Variants in SGCZ observed in about 807,000 individuals in gnomAD.
SGCZ encodes the protein zeta-sarcoglycan.
In SGCZ, 40 loss-of-function variants were observed where a neutral mutation model predicts 41.3. That is an observed-to-expected ratio of 0.97 (90% CI 0.75 to 1.26). SGCZ has a LOEUF of 1.26. SGCZ is among the 50% of genes most tolerant of loss of function. SGCZ has a pLI of 0.00. For synonymous variants in SGCZ, 206 were observed against 137.5 expected (o/e 1.50, Z -3.49); for missense variants, 552 against 369.8 (o/e 1.49, Z -4.04).
chr8:14,408,098 AC>A (rs953992478), intron 2 of SGCZ, among the ~76,000 whole-genome samples: 1 of 152,120 alleles, frequency 6.6e-6, no homozygotes, highest in Non-Finnish European at 1.5e-5. Flanking sequence ...TTCTCTAACT[AC>A]CTCTTTTACT....
rs1413787720 is a variant in SGCZ, at chr8:14,088,937, T to C, written c.*1506A>G. Among the ~76,000 whole-genome samples the C allele has an allele frequency of 1.3e-5, 2 of 151,874 alleles. No individual in the cohort carries two copies. The highest frequency in any genetic ancestry group is 3.9e-4 in the East Asian group (2 of 5,140). On this transcript the variant is annotated 3_prime_UTR_variant, in exon 8 of 8. Coordinates refer to ENST00000382080, the MANE Select transcript of SGCZ (RefSeq NM_139167.4). Reference sequence around the variant, plus strand: ...CCCCAAAAGGAAGTTTCAACACAAATGTTGATAGTGTGCATGAGGGAGAAA... The same window carrying C: ...CCCCAAAAGGAAGTTTCAACACAAACGTTGATAGTGTGCATGAGGGAGAAA...
intron 2 of SGCZ, among the ~76,000 whole-genome samples, chr8:14,335,775 A>C (rs1382318980): frequency 6.6e-6 from 1 of 152,042 alleles, no homozygotes; most frequent in Non-Finnish European, 1.5e-5. Flanking sequence ...TTCCTTCAAC[A>C]GTCTTCCCAG....
intron 1 of SGCZ, among the ~76,000 whole-genome samples, chr8:14,925,236 T>C (rs924549453): frequency 1.3e-5 from 2 of 152,242 alleles, no homozygotes; most frequent in African/African-American, 4.8e-5. Flanking sequence ...ACAAACTGTC[T>C]TAATATGGTC....
rs1801549599 is a variant in SGCZ, at chr8:14,087,331, A to G, written c.*3112T>C. The stretch of plus-strand genomic sequence containing the variant: ...TTTTTTTTTGAAGTATTTAATTGAA[A>G]TCTTCTGAAAAAGAAAAGAATAATG... On this transcript the variant is annotated 3_prime_UTR_variant, in exon 8 of 8. Coordinates refer to ENST00000382080, the MANE Select transcript of SGCZ (RefSeq NM_139167.4). Among the ~76,000 whole-genome samples the G allele has an allele frequency of 6.6e-6, 1 of 151,530 alleles. No individual in the cohort carries two copies. The highest frequency in any genetic ancestry group is 6.6e-5 in the Admixed American group (1 of 15,160).
intron 1 of SGCZ, among the ~76,000 whole-genome samples, chr8:15,211,354 C>G (rs186624587): frequency 6.6e-6 from 1 of 151,858 alleles, no homozygotes; most frequent in Non-Finnish European, 1.5e-5. Context: ...GACTCCTTTA[C>G]CTTTCCCAAT....
intron 1 of SGCZ, among the ~76,000 whole-genome samples, chr8:14,642,329 T>C (rs1277084211): frequency 6.6e-6 from 1 of 151,698 alleles, no homozygotes. Flanking sequence ...ATATAAGAAC[T>C]ATACCATCTC....
chr8:14,148,770 T>C (rs1249350269), intron 5 of SGCZ, among the ~76,000 whole-genome samples: 1 of 152,046 alleles, frequency 6.6e-6, no homozygotes, highest in African/African-American at 2.4e-5. Flanking sequence ...CTGATGAATA[T>C]TGATGCAAAA....
At chr8:15,186,089 TAAATAAAAAAATAA>T (rs1800325161) in intron 1 of SGCZ, among the ~76,000 whole-genome samples, 2 of 116,976 alleles carry the variant, frequency 1.7e-5, no homozygotes, top group Non-Finnish European at 3.8e-5. Context: ...AAATAAAAAA[TAAATAAAAAAATAA>T]AAAAAAAACT....
At position 15,237,000 on chromosome 8, in the gene SGCZ, G is replaced by A. The variant is rs1035034880; in HGVS notation, c.39+585C>T. 2.6e-5 allele frequency among the ~76,000 whole-genome samples: 4 copies of A among 152,314 alleles called. No individual in the cohort carries two copies. The East Asian group carries it at 7.8e-4, about 30-fold the overall frequency. On this transcript the variant is annotated intron_variant, in intron 1 of 7. Transcript: ENST00000382080. The stretch of plus-strand genomic sequence containing the variant: ...CAGCGGGGGTACCTCTCCAGCCCCT[G>A]CACTGCAACTGCGGGAGGAAACACT...
In SGCZ at chr8:14,870,804, A is replaced by G. The variant is rs186627628; in HGVS notation, c.40-315878T>C. ...ACTTCACAAAAGAAGACATTTATGC[A>G]GCAAACAAACATACGAAACAAGGCT... On this transcript the variant is annotated intron_variant, in intron 1 of 7. Transcript: ENST00000382080. Among the ~76,000 whole-genome samples the G allele has an allele frequency of 3.1e-3, 471 of 152,288 alleles. 4 individuals carry two copies. The highest frequency in any genetic ancestry group is 0.011 in the African/African-American group (456 of 41,570).
intron 2 of SGCZ, among the ~76,000 whole-genome samples, chr8:14,462,572 T>C (rs1356304816): frequency 6.6e-6 from 1 of 152,060 alleles, no homozygotes; most frequent in Non-Finnish European, 1.5e-5. Flanking sequence ...TTCTATTCCA[T>C]TGGTCTATGT....
intron 4 of SGCZ, among the ~76,000 whole-genome samples, chr8:14,234,782 T>A (rs898419203): frequency 3.3e-5 from 5 of 152,198 alleles, no homozygotes; most frequent in Non-Finnish European, 7.4e-5. Context: ...CTTGATTCAT[T>A]CAAGTATGTC....
Position 14,736,292 on chromosome 8 carries a change from A to G in SGCZ, c.40-181366T>C, listed in dbSNP as rs1056019823. ...CAGTTTGTGTAACTGGATCATCATC[A>G]CAATTAAGCAACATAAATTCCCTTT... is the stretch of plus-strand genomic sequence containing the variant. On this transcript the variant is annotated intron_variant, in intron 1 of 7. Transcript: ENST00000382080. 2.6e-5 allele frequency among the ~76,000 whole-genome samples: 4 copies of G among 152,128 alleles called. No individual in the cohort carries two copies. In the East Asian group the frequency reaches 7.7e-4, roughly 29 times the overall value.
intron 1 of SGCZ, among the ~76,000 whole-genome samples, chr8:14,764,568 C>T (rs774785650): frequency 6.6e-5 from 10 of 152,062 alleles, no homozygotes; most frequent in Non-Finnish European, 1.5e-4. Flanking sequence ...TATATACAAA[C>T]GTGAGATATT....
In SGCZ at chr8:14,856,985, C is replaced by G. The variant is rs534137887; in HGVS notation, c.40-302059G>C. On this transcript the variant is annotated intron_variant, in intron 1 of 7. Coordinates refer to ENST00000382080, the MANE Select transcript of SGCZ (RefSeq NM_139167.4). ...CCAAATCTGAAGTGGAATGGTAACC[C>G]CCAGTGTTGGAGGAGGGGCCTGGAG... Among the ~76,000 whole-genome samples, 3 of 152,158 alleles carry G rather than the reference C, an allele frequency of 2.0e-5. No individual in the cohort carries two copies. In the South Asian group the frequency reaches 6.2e-4, roughly 32 times the overall value.
chr8:14,874,213 T>C (rs1804265588), intron 1 of SGCZ, among the ~76,000 whole-genome samples: 1 of 152,108 alleles, frequency 6.6e-6, no homozygotes, highest in African/African-American at 2.4e-5. Context: ...TCTGGAAATA[T>C]TCATGCATTT....
intron 1 of SGCZ, among the ~76,000 whole-genome samples, chr8:14,975,280 T>A (rs1801427577): frequency 6.6e-6 from 1 of 152,068 alleles, no homozygotes; most frequent in Non-Finnish European, 1.5e-5. Flanking sequence ...CACTCCAGCC[T>A]GGGCGACAGA....
At position 14,276,306 on chromosome 8, in the gene SGCZ, G is replaced by T. The variant is rs145343093; in HGVS notation, c.337-38627C>A. Among the ~76,000 whole-genome samples the T allele has an allele frequency of 7.2e-5, 11 of 152,048 alleles. No individual in the cohort carries two copies. The South Asian group carries it at 1.5e-3, about 20-fold the overall frequency. ...TTAAATGATTCCATTGAATCATCAC[G>T]TCACAGCTTCTTAGGGATCTTATAG... On this transcript the variant is annotated intron_variant, in intron 3 of 7. Transcript: ENST00000382080.
intron 1 of SGCZ, among the ~76,000 whole-genome samples, chr8:14,977,395 T>A (rs894235378): frequency 6.6e-6 from 1 of 152,202 alleles, no homozygotes; most frequent in Non-Finnish European, 1.5e-5. Flanking sequence ...TATTTAATAT[T>A]TACTTAATAT....
Sources: gnomAD v4.1 joint callset for allele counts (sites outside exome capture counted in the v4.1 genomes callset) on GRCh38, gnomAD v4.1.1 for gene constraint, MANE v1.5 for transcripts, NCBI Gene and HGNC (gene_info 2026-07-23, HGNC 2026-07-21) for gene names.